The following RPRD1A variants were observed in gnomAD, a reference collection of about 807,000 sequenced individuals.
RPRD1A encodes regulation of nuclear pre-mRNA domain containing 1A, also known as regulation of nuclear pre-mRNA domain-containing protein 1A.
RPRD1A carries 9 observed loss-of-function variants against 37.8 expected under a neutral mutation model. That is an observed-to-expected ratio of 0.24 (90% CI 0.14 to 0.42). The LOEUF (loss-of-function observed/expected upper bound fraction) is 0.42. Ranked by LOEUF, RPRD1A falls within the 10% of genes least tolerant of loss-of-function variation. The pLI, the probability that RPRD1A is intolerant of heterozygous loss-of-function variation, is 1.00. For missense variants in RPRD1A, 255 were observed against 371.0 expected, an observed-to-expected ratio of 0.69 and a Z score of 2.57; for synonymous variants, 138 against 139.7, an observed-to-expected ratio of 0.99 and a Z score of 0.08.
At chr18:36,037,846 C>A (rs1438165998) in intron 1 of RPRD1A, among the ~76,000 whole-genome samples, 3 of 152,148 alleles carry the variant, frequency 2.0e-5, no homozygotes, top group East Asian at 1.9e-4. Context: ...ACAAGACGGG[C>A]AGCATTTTGC....
intron 6 of RPRD1A, among the ~76,000 whole-genome samples, chr18:36,001,725 A>T (rs1909429757): frequency 6.6e-6 from 1 of 152,168 alleles, no homozygotes; most frequent in South Asian, 2.1e-4. Context: ...ACTGAAATAC[A>T]TTTTTGCTGA....
intron 6 of RPRD1A, among the ~76,000 whole-genome samples, chr18:35,998,327 G>C (rs1393938118): frequency 6.6e-6 from 1 of 151,998 alleles, no homozygotes; most frequent in African/African-American, 2.4e-5. Flanking sequence ...TTGCACTCAA[G>C]CATGGGCAAC....
chr18:36,053,218 T>C (rs1043466265), intron 1 of RPRD1A, among the ~76,000 whole-genome samples: 2 of 152,158 alleles, frequency 1.3e-5, no homozygotes, highest in Admixed American at 6.5e-5. Context: ...CTTTAAAGCA[T>C]ACAATTCAGG....
intron 6 of RPRD1A, among the ~76,000 whole-genome samples, chr18:36,019,990 A>C (rs1488807643): frequency 1.3e-5 from 2 of 152,162 alleles, no homozygotes; most frequent in Non-Finnish European, 2.9e-5. Context: ...CAGCGAGCTG[A>C]GATCACGCCA....
At chr18:36,019,102 A>T (rs1383726475) in intron 6 of RPRD1A, among the ~76,000 whole-genome samples, 5 of 118,534 alleles carry the variant, frequency 4.2e-5, no homozygotes, top group African/African-American at 1.3e-4. Context: ...GGGACCATTG[A>T]TTTTTTTTTT....
At chr18:36,010,571 T>C (rs545086847) in intron 6 of RPRD1A, among the ~76,000 whole-genome samples, 1 of 152,314 alleles carries the variant, frequency 6.6e-6, no homozygotes, top group South Asian at 2.1e-4. Flanking sequence ...AGGACATCAA[T>C]GTCTTTTGTT....
chr18:36,007,917 G>A (rs903625175), intron 6 of RPRD1A, among the ~76,000 whole-genome samples: 9 of 151,946 alleles, frequency 5.9e-5, no homozygotes, highest in Admixed American at 2.0e-4. Flanking sequence ...CAGCCTGGGC[G>A]ACAGAGTGAG....
At chr18:36,026,686 T>C (rs916819050) in intron 6 of RPRD1A, 48 of 409,422 alleles carry the variant, frequency 1.2e-4, no homozygotes, top group Admixed American at 5.9e-4. Flanking sequence ...ATGCAATCAA[T>C]TTTGCTAATT....
In RPRD1A at chr18:36,027,140, T is replaced by C. The variant is rs750608555; in HGVS notation, c.613+44A>G. 1.9e-6 allele frequency: 3 copies of C among 1,612,808 alleles called. No homozygotes were observed. In the South Asian group the frequency reaches 3.3e-5, roughly 18 times the overall value. ...AACAATGACATATGCTGTTCTCTCATCCCAACTCCCAAAAAAGTTCTGGAT... is the reference window on the plus strand; with the variant it reads ...AACAATGACATATGCTGTTCTCTCACCCCAACTCCCAAAAAAGTTCTGGAT... On this transcript the variant is annotated intron_variant, in intron 5 of 6. Transcript: ENST00000399022.
At chr18:36,060,308 C>T (rs1208472437) in intron 1 of RPRD1A, among the ~76,000 whole-genome samples, 3 of 151,960 alleles carry the variant, frequency 2.0e-5, no homozygotes, top group Admixed American at 6.6e-5. Context: ...TGGCGGGCGC[C>T]TATAGTCCCA....
At chr18:35,995,595 C>T (rs62101373) in intron 6 of RPRD1A, among the ~76,000 whole-genome samples, 7 of 152,094 alleles carry the variant, frequency 4.6e-5, no homozygotes, top group Non-Finnish European at 1.0e-4. Context: ...TAAAAGAATG[C>T]AATAACAAAT....
chr18:36,035,089 G>A (rs943063619), intron 1 of RPRD1A, among the ~76,000 whole-genome samples: 5 of 152,156 alleles, frequency 3.3e-5, no homozygotes, highest in African/African-American at 4.8e-5. Flanking sequence ...TGTCTGGTTA[G>A]ATAAACCACA....
chr18:36,047,245 A>G (rs1913026268), intron 1 of RPRD1A, among the ~76,000 whole-genome samples: 2 of 151,354 alleles, frequency 1.3e-5, no homozygotes, highest in African/African-American at 4.9e-5. Context: ...ATAAAGCAAG[A>G]GCCATCATAA....
chr18:36,024,885 G>C (rs898263635), intron 6 of RPRD1A: 4 of 152,170 alleles, frequency 2.6e-5, no homozygotes, highest in Non-Finnish European at 4.4e-5. Context: ...TTTACAAAGA[G>C]TTCTGTGGAA....
rs2089055924 is a variant in RPRD1A, at chr18:36,067,480, C to G, written c.-76G>C. The G allele has an allele frequency of 6.9e-7, 1 of 1,447,162 alleles. No homozygotes were observed. The highest frequency in any genetic ancestry group is 2.1e-5 in the Admixed American group (1 of 48,338). 89.6% of individuals were successfully genotyped at this position (1,447,162 alleles called of 1,614,324 possible). A position where few individuals can be genotyped will look rare whatever the true frequency, so the allele number is the denominator to read the frequency against. On this transcript the variant is annotated 5_prime_UTR_variant, in exon 1 of 7. Coordinates refer to ENST00000399022, the MANE Select transcript of RPRD1A (RefSeq NM_018170.5). Reference sequence around the variant, plus strand: ...AGAGTTTCGCCGCCCTAGCTGCGGCCTCGCCCCCTCACCCCACCCTTCCCC... The same window carrying G: ...AGAGTTTCGCCGCCCTAGCTGCGGCGTCGCCCCCTCACCCCACCCTTCCCC...
intron 6 of RPRD1A, among the ~76,000 whole-genome samples, chr18:36,006,421 A>G (rs1393279928): frequency 6.6e-6 from 1 of 152,136 alleles, no homozygotes; most frequent in Non-Finnish European, 1.5e-5. Context: ...GGCTCAAGCT[A>G]TCCTCCCACT....
intron 1 of RPRD1A, among the ~76,000 whole-genome samples, chr18:36,042,184 C>A (rs1400382783): frequency 2.0e-5 from 3 of 152,176 alleles, no homozygotes; most frequent in Non-Finnish European, 2.9e-5. Context: ...TAAATGGGTT[C>A]CTCCAGTTTT....
intron 6 of RPRD1A, among the ~76,000 whole-genome samples, chr18:36,007,622 A>G (rs1598604086): frequency 2.0e-5 from 3 of 152,288 alleles, no homozygotes; most frequent in African/African-American, 7.2e-5. Context: ...AATCAACATC[A>G]TAATTTCCAG....
At chr18:35,993,976 C>T (rs554488198) in intron 6 of RPRD1A, among the ~76,000 whole-genome samples, 10 of 152,238 alleles carry the variant, frequency 6.6e-5, no homozygotes, top group Admixed American at 2.0e-4. Flanking sequence ...CCTGATAAGC[C>T]TCACCCCCAA....
Sources: gnomAD v4.1 joint callset for allele counts (sites outside exome capture counted in the v4.1 genomes callset) on GRCh38, gnomAD v4.1.1 for gene constraint, MANE v1.5 for transcripts, NCBI Gene and HGNC (gene_info 2026-07-23, HGNC 2026-07-21) for gene names.